ZPBP: variants seen among roughly 807,000 people sequenced by gnomAD.
ZPBP encodes the protein zona pellucida-binding protein 1.
A neutral mutation model predicts 44.8 loss-of-function variants in ZPBP; 26 were observed. The ratio of observed to expected loss-of-function variants is 0.58; its 90% CI spans 0.43 to 0.81. The LOEUF is 0.81. Ranked by LOEUF, ZPBP falls within the 30% of genes least tolerant of loss-of-function variation. The probability of loss-of-function intolerance (pLI) is 0.00; values close to 1 mark genes in which losing one functional copy is unlikely to be tolerated. For synonymous variants in ZPBP, 174 were observed against 153.2 expected, an observed-to-expected ratio of 1.14 and a Z score of -1.00; for missense variants, 409 against 434.0, an observed-to-expected ratio of 0.94 and a Z score of 0.51.
At chr7:49,867,839 T>C (rs958418729) in intron 2 of ZPBP, among the ~76,000 whole-genome samples, 1 of 81,180 alleles carries the variant, frequency 1.2e-5, no homozygotes, top group Non-Finnish European at 3.2e-5. Context: ...TTTATTATTT[T>C]ATTTTATTTT....
chr7:49,944,856 A>C (rs1292436492), intron 7 of ZPBP, among the ~76,000 whole-genome samples: 1 of 74,580 alleles, frequency 1.3e-5, no homozygotes, highest in African/African-American at 5.3e-5. Context: ...TATTTCATTT[A>C]TTTCTGCTCT....
intron 7 of ZPBP, among the ~76,000 whole-genome samples, chr7:49,970,987 T>C (rs970697571): frequency 1.3e-5 from 2 of 152,140 alleles, no homozygotes; most frequent in Admixed American, 6.5e-5. Context: ...GAGGATTCAG[T>C]GAGCCACGAT....
intron 1 of ZPBP, chr7:49,912,851 G>A (rs1249911270): frequency 2.0e-5 from 3 of 152,144 alleles, no homozygotes; most frequent in Admixed American, 2.0e-4. Flanking sequence ...CTAAGCTCCT[G>A]TATTGTACAC....
rs1795988684 is a variant in ZPBP, at chr7:49,964,597, A to G, written c.961+18745T>C. On this transcript the variant is annotated intron_variant, in intron 7 of 7. Transcript: ENST00000046087. ...GAAACTTAAGAAGCCCTAAAGAAAGACAGGTATATCACACTTACAGACATG... is the reference window on the plus strand; with the variant it reads ...GAAACTTAAGAAGCCCTAAAGAAAGGCAGGTATATCACACTTACAGACATG... Among the ~76,000 whole-genome samples, 4 of 152,226 alleles carry G rather than the reference A, an allele frequency of 2.6e-5. 1 individual carries two copies. In the South Asian group the frequency reaches 8.3e-4, roughly 32 times the overall value.
chr7:49,873,531 C>T (rs929877330), intron 2 of ZPBP, among the ~76,000 whole-genome samples: 4 of 152,116 alleles, frequency 2.6e-5, no homozygotes, highest in African/African-American at 7.2e-5. Flanking sequence ...CATTGCACAG[C>T]GGTTGGCTAG....
rs1452800334 is a variant in ZPBP at position 49,911,918 on chromosome 7, T to TACATGCACACAC, written n.412-10704_412-10703insGTGTGTGCATGT. 2.1e-4 allele frequency: 46 copies of TACATGCACACAC among 223,054 alleles called. No individual in the cohort carries two copies. In the African/African-American group the frequency reaches 2.5e-3, roughly 12 times the overall value. The allele number at this position is 223,054 out of a possible 1,614,324, so 13.8% of individuals were successfully genotyped here. A position where few individuals can be genotyped will look rare whatever the true frequency, so the allele number is the denominator to read the frequency against. Reference sequence around the variant, plus strand: ...TCTCAAAAACAAACAAACAAACAAATACACGCACACACACACACACACACA... The same window carrying TACATGCACACAC: ...TCTCAAAAACAAACAAACAAACAAATACATGCACACACACACGCACACACACACACACACACA... On this transcript the variant is annotated intron_variant and non_coding_transcript_variant, in intron 1 of 2. Transcript: ENST00000465922.
At chr7:50,001,725 A>C (rs1379511081) in intron 6 of ZPBP, among the ~76,000 whole-genome samples, 1 of 152,098 alleles carries the variant, frequency 6.6e-6, no homozygotes, top group Non-Finnish European at 1.5e-5. Flanking sequence ...ACCTTGAAAA[A>C]GTTTTAGCTG....
At chr7:49,845,292 G>C in the ZPBP span, among the ~76,000 whole-genome samples, 1 of 147,998 alleles carries the variant, frequency 6.8e-6, no homozygotes, top group East Asian at 1.9e-4. Flanking sequence ...AAAAGTCGAA[G>C]GAAAAAAAAA....
intron 4 of ZPBP, among the ~76,000 whole-genome samples, chr7:50,043,024 G>T (rs565582569): frequency 6.6e-6 from 1 of 152,190 alleles, no homozygotes; most frequent in Non-Finnish European, 1.5e-5. Context: ...GGGTTTACCA[G>T]AATGAGGGCA....
intron 2 of ZPBP, among the ~76,000 whole-genome samples, chr7:49,859,107 C>A (rs1790544292): frequency 6.6e-6 from 1 of 152,142 alleles, no homozygotes; most frequent in Non-Finnish European, 1.5e-5. Flanking sequence ...AGGAAGCATA[C>A]CTTAGAGGAG....
At chr7:49,890,221 A>T (rs567958104) in intron 2 of ZPBP, among the ~76,000 whole-genome samples, 21 of 152,190 alleles carry the variant, frequency 1.4e-4, no homozygotes, top group Non-Finnish European at 2.2e-4. Context: ...TACTATCCTA[A>T]TAATTTTCCC....
At chr7:50,029,291 T>C (rs1006830583) in intron 5 of ZPBP, among the ~76,000 whole-genome samples, 1 of 152,212 alleles carries the variant, frequency 6.6e-6, no homozygotes, top group Non-Finnish European at 1.5e-5. Flanking sequence ...ATGCAAAATA[T>C]GAAGTATAAG....
At chr7:50,044,336 T>A (rs1182580668) in intron 4 of ZPBP, among the ~76,000 whole-genome samples, 1 of 151,854 alleles carries the variant, frequency 6.6e-6, no homozygotes, top group East Asian at 1.9e-4. Flanking sequence ...CTAAAGGAGA[T>A]ACAAACATGA....
At chr7:50,068,279 C>T (rs1261960983) in intron 3 of ZPBP, among the ~76,000 whole-genome samples, 4 of 152,128 alleles carry the variant, frequency 2.6e-5, no homozygotes, top group Admixed American at 2.0e-4. Flanking sequence ...TTGTTCACTC[C>T]AAGGCATCGT....
At chr7:49,880,842 T>C (rs767255335) in intron 2 of ZPBP, among the ~76,000 whole-genome samples, 5 of 152,110 alleles carry the variant, frequency 3.3e-5, no homozygotes, top group Non-Finnish European at 7.4e-5. Context: ...AAGCTCTTCA[T>C]TTTTGCCTAT....
intron 4 of ZPBP, among the ~76,000 whole-genome samples, chr7:50,042,384 G>C (rs749164948): frequency 6.6e-6 from 1 of 152,084 alleles, no homozygotes; most frequent in African/African-American, 2.4e-5. Context: ...CAGACTCACC[G>C]AAGGTTGAAA....
intron 4 of ZPBP, among the ~76,000 whole-genome samples, chr7:50,037,420 G>T (rs1397981479): frequency 6.6e-6 from 1 of 152,190 alleles, no homozygotes; most frequent in Non-Finnish European, 1.5e-5. Flanking sequence ...TAAGAAAAGA[G>T]GTTTAGCTAA....
At chr7:49,859,306 T>G (rs1041197147) in intron 2 of ZPBP, among the ~76,000 whole-genome samples, 1 of 152,216 alleles carries the variant, frequency 6.6e-6, no homozygotes, top group Non-Finnish European at 1.5e-5. Context: ...CTTTAAGTTA[T>G]CTTTTATGTT....
chr7:50,085,987 G>C (rs1365938541), intron 2 of ZPBP, among the ~76,000 whole-genome samples: 3 of 152,066 alleles, frequency 2.0e-5, no homozygotes, highest in Non-Finnish European at 2.9e-5. Flanking sequence ...TGATAAGGTA[G>C]AGTTGCCAAC....
Sources: allele counts gnomAD v4.1 joint callset (sites outside exome capture counted in the v4.1 genomes callset), GRCh38; gene constraint gnomAD v4.1.1; transcripts MANE v1.5; gene names NCBI Gene and HGNC (gene_info 2026-07-23, HGNC 2026-07-21).